TP53I11: variants seen among roughly 807,000 people sequenced by gnomAD.
TP53I11 encodes tumor protein p53-inducible protein 11.
A neutral mutation model predicts 23.3 loss-of-function variants in TP53I11; 9 were observed. The observed-to-expected ratio is 0.39, with a 90% CI of 0.23 to 0.67. The LOEUF is 0.67. Ranked by LOEUF, TP53I11 falls within the 30% of genes least tolerant of loss-of-function variation. The pLI is 0.48. For missense variants in TP53I11, 170 were observed against 255.2 expected (o/e 0.67, Z 2.27); for synonymous variants, 100 against 106.1 (o/e 0.94, Z 0.35).
chr11:44,935,978 G>T, intron 5 of TP53I11: 1 of 435,746 alleles, frequency 2.3e-6, no homozygotes, highest in South Asian at 2.8e-5. Flanking sequence ...CCCTGCCCAT[G>T]TCCGGTTCTG....
At chr11:44,937,406 C>A (rs1350976261) in intron 3 of TP53I11, 54 bp from the exon 4 acceptor site, 2 of 1,485,830 alleles carry the variant, frequency 1.3e-6, no homozygotes, top group East Asian at 2.5e-5. Context: ...CCTCCCCTCT[C>A]CAGCCCAGAT....
At chr11:44,935,295 T>TG (rs143756531) in intron 6 of TP53I11, among the ~76,000 whole-genome samples, 32,678 of 152,008 alleles carry the variant, frequency 0.21, 4,636 homozygotes, top group Non-Finnish European at 0.31. Context: ...GCAGTGGGTG[T>TG]GGGGGGGCCG....
intron 1 of TP53I11, among the ~76,000 whole-genome samples, chr11:44,947,908 T>C (rs769074309): frequency 2.6e-5 from 4 of 152,258 alleles, no homozygotes; most frequent in Non-Finnish European, 4.4e-5. Context: ...CTGCTCATTA[T>C]TTTTAGACTA....
chr11:44,934,473 G>A lies in TP53I11; in HGVS notation c.*411C>T, dbSNP rs56344721. Reference sequence around the variant, plus strand: ...GGTTGGCTGGGAGTGTAGGGAGAAGGATGGGGGGTGGTCACAGCCTCTCTC... The same window carrying A: ...GGTTGGCTGGGAGTGTAGGGAGAAGAATGGGGGGTGGTCACAGCCTCTCTC... On this transcript the variant is annotated 3_prime_UTR_variant, in exon 7 of 7. Coordinates refer to ENST00000525680, the MANE Select transcript of TP53I11 (RefSeq NM_006034.5). The A allele has an allele frequency of 8.6e-3, 1,548 of 180,338 alleles. 12 individuals are homozygous for A. The highest frequency in any genetic ancestry group is 0.013 in the Non-Finnish European group (1,102 of 83,204). The allele number at this position is 180,338 out of a possible 1,614,324, so 11.2% of individuals were successfully genotyped here.
intron 5 of TP53I11, 21 bp from the exon 6 acceptor site, chr11:44,935,683 GGGGCT>G: frequency 1.4e-6 from 2 of 1,427,280 alleles, no homozygotes; most frequent in Non-Finnish European, 2.0e-6. Context: ...GGATGAAAAG[GGGGCT>G]GGGGGTGGGA....
chr11:44,938,274 C>A lies in TP53I11; in HGVS notation c.62G>T (p.Arg21Leu). 6.2e-7 allele frequency: 1 copy of A among 1,612,752 alleles called. No homozygotes were observed. Among genetic ancestry groups the A allele is most frequent in the Non-Finnish European group, 8.5e-7 (1 of 1,179,530 alleles). ...KKHSQTDLVS[R>L]LKTRKILGVG... ...GCCGAGGATCTTGCGGGTCTTCAGG[C>A]GGCTCACGAGGTCCGTCTGGCTGTG... Residue 21 changes from arginine to leucine, a missense_variant, in exon 2 of 7, where the codon CGC becomes CTC. By Grantham distance (102) the Arg-to-Leu change is moderately radical. Transcript: ENST00000525680.
Position 44,936,382 on chromosome 11 carries a change from TAGAG to T in TP53I11, c.334+417_334+420del. The T allele has an allele frequency of 2.4e-6, 3 of 1,230,244 alleles. No individual in the cohort carries two copies. Among genetic ancestry groups the T allele is most frequent in the Non-Finnish European group, 3.0e-6 (3 of 987,712 alleles). The allele number at this position is 1,230,244 out of a possible 1,614,324, so 76.2% of individuals were successfully genotyped here. ...AAATCCTAACGTGTGCATCTCAGGTTAGAGAGGAAACAGAAGTGGTTCAAACAGA... is the reference window on the plus strand; with the variant it reads ...AAATCCTAACGTGTGCATCTCAGGTTAGGAAACAGAAGTGGTTCAAACAGA... On this transcript the variant is annotated intron_variant, in intron 5 of 6. Coordinates refer to ENST00000525680, the MANE Select transcript of TP53I11 (RefSeq NM_006034.5). This position sits in a 1 kb window ranked among gnomAD's most constrained non-coding sequence, Gnocchi z 4.4.
At position 44,934,875 on chromosome 11, in the gene TP53I11, A is replaced by T; in HGVS notation, c.*9T>A. On this transcript the variant is annotated 3_prime_UTR_variant, in exon 7 of 7. Coordinates refer to ENST00000525680, the MANE Select transcript of TP53I11 (RefSeq NM_006034.5). Reference sequence around the variant, plus strand: ...CAGGCATGGGCAGGGCCCCAGGCCCAGCGGGCAACTAGGCCTTCTTGGGTC... The same window carrying T: ...CAGGCATGGGCAGGGCCCCAGGCCCTGCGGGCAACTAGGCCTTCTTGGGTC... 1 of 1,613,904 alleles carries T rather than the reference A, an allele frequency of 6.2e-7. No individual in the cohort carries two copies. Among genetic ancestry groups the T allele is most frequent in the Non-Finnish European group, 8.5e-7 (1 of 1,179,898 alleles).
chr11:44,944,179 G>A (rs146559399), intron 1 of TP53I11, among the ~76,000 whole-genome samples: 2 of 152,148 alleles, frequency 1.3e-5, no homozygotes, highest in Non-Finnish European at 2.9e-5. Flanking sequence ...ACCTGGCAGT[G>A]GGGGGTCTGG....
Position 44,936,917 on chromosome 11 carries a change from G to C in TP53I11, c.238-18C>G. 6.3e-7 allele frequency: 1 copy of C among 1,578,632 alleles called. No homozygotes were observed. Among genetic ancestry groups the C allele is most frequent in the Non-Finnish European group, 8.6e-7 (1 of 1,160,822 alleles). On this transcript the variant is annotated intron_variant, in intron 4 of 6. Coordinates refer to ENST00000525680, the MANE Select transcript of TP53I11 (RefSeq NM_006034.5). This position sits in a 1 kb window ranked among gnomAD's most constrained non-coding sequence, Gnocchi z 4.4. ...GCAAGCGCCTGCGGGCAGCGAGAGG[G>C]GCTCAGAGGTCCCGCTTGGGAGAGG...
In TP53I11 at chr11:44,938,200, AC is replaced by A; in HGVS notation, c.129+6del. The A allele has an allele frequency of 6.2e-7, 1 of 1,610,678 alleles. No individual in the cohort carries two copies. On this transcript the variant is annotated splice_donor_region_variant and intron_variant, in intron 2 of 6. Coordinates refer to ENST00000525680, the MANE Select transcript of TP53I11 (RefSeq NM_006034.5). The stretch of plus-strand genomic sequence containing the variant: ...TGGGTGCCGGAGGCCCCTGCTCTGC[AC>A]CCCACCTTGGAGCGATGCACCTCCC...
At chr11:44,949,710 G>A (rs913623070) in intron 1 of TP53I11, among the ~76,000 whole-genome samples, 3 of 152,086 alleles carry the variant, frequency 2.0e-5, no homozygotes, top group African/African-American at 7.2e-5. Context: ...CCCCGGGTAG[G>A]TGCGAGTGTT....
intron 1 of TP53I11, among the ~76,000 whole-genome samples, chr11:44,939,635 G>A (rs1192485755): frequency 6.6e-6 from 1 of 152,200 alleles, no homozygotes; most frequent in African/African-American, 2.4e-5. Flanking sequence ...TAAAGCACCC[G>A]AACAAATATC....
intron 2 of TP53I11, 57 bp from the exon 3 acceptor site, chr11:44,937,670 C>T (rs1030437866): frequency 8.3e-6 from 13 of 1,559,986 alleles, no homozygotes; most frequent in Admixed American, 5.1e-5. Flanking sequence ...AGCGCCCCCA[C>T]TCGCTCATCC....
Position 44,937,574 on chromosome 11 carries a change from G to A in TP53I11, c.169C>T (p.Arg57Trp). The part of the protein sequence containing the change: ...VLGNEIKFTI[R>W]EPLGLRVWQF... ...GCTCACCTGAGCCCCAAAGGCTCCCGAATGGTAAACTTGATTTCATTGCCT... is the reference window on the plus strand; with the variant it reads ...GCTCACCTGAGCCCCAAAGGCTCCCAAATGGTAAACTTGATTTCATTGCCT... Residue 57 changes from arginine (R) to tryptophan (W), a missense_variant, in exon 3 of 7, where the codon CGG becomes TGG. Transcript: ENST00000525680. 2 of 1,613,814 alleles carry A rather than the reference G, an allele frequency of 1.2e-6. No homozygotes were observed. The highest frequency in any genetic ancestry group is 8.5e-7 in the Non-Finnish European group (1 of 1,179,934).
Position 44,934,666 on chromosome 11 carries a change from C to G in TP53I11, c.*218G>C, listed in dbSNP as rs1330130261. 1.6e-6 allele frequency: 1 copy of G among 610,506 alleles called. No individual in the cohort carries two copies. The highest frequency in any genetic ancestry group is 1.9e-5 in the African/African-American group (1 of 53,868). The allele number at this position is 610,506 out of a possible 1,614,324, so 37.8% of individuals were successfully genotyped here. A position where few individuals can be genotyped will look rare whatever the true frequency, so the allele number is the denominator to read the frequency against. ...GGGTGAAGAACAGGGCAGCAGAGGC[C>G]CTGTCTCTCCCCAGACCAGCATGTC... On this transcript the variant is annotated 3_prime_UTR_variant, in exon 7 of 7. Coordinates refer to ENST00000525680, the MANE Select transcript of TP53I11 (RefSeq NM_006034.5).
At chr11:44,941,128 T>G (rs138296722) in intron 1 of TP53I11, 1 of 152,368 alleles carries the variant, frequency 6.6e-6, no homozygotes, top group Non-Finnish European at 1.5e-5. Flanking sequence ...GCAAAACACC[T>G]GCACATTTGC....
In TP53I11 at chr11:44,950,465, T is replaced by C. The variant is rs576388025; in HGVS notation, c.-32+212A>G. ...ACGGAAGGGGCTGCGGGACGGCGCC[T>C]TGGGGAGCTGGGGAGGCGACCCCCT... is the stretch of plus-strand genomic sequence containing the variant. On this transcript the variant is annotated intron_variant, in intron 1 of 6. Transcript: ENST00000525680. Among the ~76,000 whole-genome samples, 19 of 151,800 alleles carry C rather than the reference T, an allele frequency of 1.3e-4. No homozygotes were observed. In the South Asian group the frequency reaches 1.5e-3, roughly 12 times the overall value.
chr11:44,946,833 C>T (rs184594277), intron 1 of TP53I11, among the ~76,000 whole-genome samples: 2 of 152,282 alleles, frequency 1.3e-5, no homozygotes, highest in East Asian at 1.9e-4. Context: ...TGCCTCACAG[C>T]GGCCACACTC....
Sources: gnomAD v4.1 joint callset for allele counts (sites outside exome capture counted in the v4.1 genomes callset) on GRCh38, gnomAD v4.1.1 for gene constraint, Gnocchi (gnomAD v3.1) non-coding constraint, MANE v1.5 for transcripts, NCBI Gene and HGNC (gene_info 2026-07-23, HGNC 2026-07-21) for gene names.